ARHGAP32: variants seen among roughly 807,000 people sequenced by gnomAD.
ARHGAP32 encodes the protein rho GTPase-activating protein 32.
In ARHGAP32, 51 loss-of-function variants were observed where a neutral mutation model predicts 186.5. The observed-to-expected ratio is 0.27, with a 90% CI of 0.22 to 0.35. The LOEUF is 0.35. Among genes scored for constraint, ARHGAP32 ranks in the 10% least tolerant of loss-of-function variants. The pLI, the probability that ARHGAP32 is intolerant of heterozygous loss-of-function variation, is 1.00. For missense variants in ARHGAP32, 2,186 were observed against 2,623.5 expected (o/e 0.83, Z 3.64); for synonymous variants, 950 against 964.3 (o/e 0.99, Z 0.27).
intron 1 of ARHGAP32, among the ~76,000 whole-genome samples, chr11:129,181,880 C>A (rs1314856749): frequency 2.6e-5 from 4 of 152,156 alleles, no homozygotes; most frequent in African/African-American, 4.8e-5. Context: ...AAATTCTCTA[C>A]CTGCCAAGGT....
At chr11:129,038,016 G>A (rs1939426688) in intron 11 of ARHGAP32, among the ~76,000 whole-genome samples, 1 of 151,924 alleles carries the variant, frequency 6.6e-6, no homozygotes, top group African/African-American at 2.4e-5. Context: ...CAAGAGAATT[G>A]CTTGAACTCA....
intron 1 of ARHGAP32, among the ~76,000 whole-genome samples, chr11:129,276,167 T>C (rs1475282018): frequency 6.6e-6 from 1 of 152,248 alleles, no homozygotes; most frequent in East Asian, 1.9e-4. Flanking sequence ...AAATTTGATC[T>C]GTCTCCAAGT....
chr11:129,038,453 G>C (rs781229161), intron 11 of ARHGAP32, among the ~76,000 whole-genome samples: 18 of 151,844 alleles, frequency 1.2e-4, no homozygotes, highest in Non-Finnish European at 2.2e-4. Flanking sequence ...AATGACTAAA[G>C]AAACATCAAA....
At chr11:129,040,343 C>T (rs1159483111) in intron 11 of ARHGAP32, among the ~76,000 whole-genome samples, 1 of 151,818 alleles carries the variant, frequency 6.6e-6, no homozygotes, top group Non-Finnish European at 1.5e-5. Flanking sequence ...TTTTTTTAAT[C>T]GACATCATCA....
intron 2 of ARHGAP32, among the ~76,000 whole-genome samples, chr11:129,162,750 T>C (rs1261403923): frequency 6.6e-6 from 1 of 152,138 alleles, no homozygotes; most frequent in African/African-American, 2.4e-5. Flanking sequence ...TAATGTACAA[T>C]TACAAGAGAA....
intron 11 of ARHGAP32, among the ~76,000 whole-genome samples, chr11:129,040,073 T>C (rs1275542937): frequency 6.6e-6 from 1 of 152,176 alleles, no homozygotes; most frequent in Non-Finnish European, 1.5e-5. Flanking sequence ...TTGTTGGATG[T>C]AAGCTTTGGG....
intron 6 of ARHGAP32, among the ~76,000 whole-genome samples, chr11:129,085,954 A>C (rs1254464196): frequency 6.6e-6 from 1 of 151,588 alleles, no homozygotes; most frequent in Non-Finnish European, 1.5e-5. Flanking sequence ...AGATCATGAC[A>C]CTGCACTCCA....
At chr11:129,226,996 ATTTTAT>A (rs1944793634) in intron 1 of ARHGAP32, among the ~76,000 whole-genome samples, 1 of 152,110 alleles carries the variant, frequency 6.6e-6, no homozygotes, top group Non-Finnish European at 1.5e-5. Context: ...TTTTGCTTAT[ATTTTAT>A]TTTTCTTTTC....
In ARHGAP32 at chr11:129,123,468, T is replaced by A; in HGVS notation, c.422A>T (p.Asn141Ile). ...TACCTGTATGCTGCCGAACTCAACATTCTCATAATGGAAATGCGCACATTC... is the reference window on the plus strand; with the variant it reads ...TACCTGTATGCTGCCGAACTCAACAATCTCATAATGGAAATGCGCACATTC... ...MAECAHFHYE[N>I]VEFGSIQLSL... is the part of the protein sequence containing the mutation. The change falls in exon 5 of 23, where the codon AAT becomes ATT. Residue 141 changes from asparagine (N) to isoleucine (I), a missense_variant. Coordinates refer to ENST00000682385, the MANE Select transcript of ARHGAP32 (RefSeq NM_001378024.1). The surrounding 1 kb of genome is among the most constrained non-coding windows in gnomAD (Gnocchi z 4.6). The A allele has an allele frequency of 6.2e-7, 1 of 1,612,854 alleles. No homozygotes were observed. The highest frequency in any genetic ancestry group is 8.5e-7 in the Non-Finnish European group (1 of 1,179,122).
intron 1 of ARHGAP32, among the ~76,000 whole-genome samples, chr11:129,224,643 C>G (rs112592679): frequency 6.6e-6 from 1 of 152,060 alleles, no homozygotes; most frequent in East Asian, 1.9e-4. Flanking sequence ...CAGCCACCAA[C>G]GGATTTTAAG....
chr11:129,087,006 A>G (rs1442059817), intron 6 of ARHGAP32, among the ~76,000 whole-genome samples: 1 of 152,236 alleles, frequency 6.6e-6, no homozygotes, highest in East Asian at 1.9e-4. Flanking sequence ...GCTCAACATC[A>G]TATGTCATTA....
chr11:129,088,851 C>A (rs1941487416), intron 6 of ARHGAP32, among the ~76,000 whole-genome samples: 2 of 151,888 alleles, frequency 1.3e-5, no homozygotes, highest in Admixed American at 1.3e-4. Flanking sequence ...CCAGCCTGGG[C>A]AACACAGCAA....
chr11:129,092,107 A>ACTAT (rs1220218133), intron 6 of ARHGAP32, among the ~76,000 whole-genome samples: 3 of 152,140 alleles, frequency 2.0e-5, no homozygotes, highest in Admixed American at 1.3e-4. Context: ...CAGGAAACGA[A>ACTAT]CTATCTATCT....
chr11:129,213,628 T>C (rs901296835), intron 1 of ARHGAP32, among the ~76,000 whole-genome samples: 2 of 152,170 alleles, frequency 1.3e-5, no homozygotes, highest in African/African-American at 4.8e-5. Context: ...TAACATTTAA[T>C]GTAATATAAA....
Position 129,037,910 on chromosome 11 carries a change from G to A in ARHGAP32, c.1045+3018C>T, listed in dbSNP as rs557839430. 2.6e-5 allele frequency among the ~76,000 whole-genome samples: 4 copies of A among 151,914 alleles called. No individual in the cohort carries two copies. In the South Asian group the frequency reaches 8.3e-4, roughly 32 times the overall value. On this transcript the variant is annotated intron_variant, in intron 11 of 22. Coordinates refer to ENST00000682385, the MANE Select transcript of ARHGAP32 (RefSeq NM_001378024.1). ...GATGTCAGGAGTTTAAGACCAGCCT[G>A]GCCAACATGATGAAACCCCATCTCT...
At chr11:129,051,271 C>T (rs10790983) in intron 10 of ARHGAP32, among the ~76,000 whole-genome samples, 30,397 of 152,122 alleles carry the variant, frequency 0.2, 3,176 homozygotes, top group Non-Finnish European at 0.21. Flanking sequence ...AGTGTAAAAG[C>T]GTTCCTATTT....
chr11:129,156,157 G>A (rs950699110), intron 2 of ARHGAP32, among the ~76,000 whole-genome samples: 2 of 152,150 alleles, frequency 1.3e-5, no homozygotes, highest in African/African-American at 4.8e-5. Context: ...GCACAAAATT[G>A]GGCAGCCATT....
intron 1 of ARHGAP32, among the ~76,000 whole-genome samples, chr11:129,243,427 C>G (rs1210733114): frequency 6.6e-6 from 1 of 152,144 alleles, no homozygotes; most frequent in East Asian, 1.9e-4. Flanking sequence ...ATCCTCAATA[C>G]AAAGCATAAA....
At chr11:128,975,801 C>A (rs1945525848) in intron 20 of ARHGAP32, among the ~76,000 whole-genome samples, 1 of 152,134 alleles carries the variant, frequency 6.6e-6, no homozygotes, top group Non-Finnish European at 1.5e-5. Flanking sequence ...GTGATCCCAG[C>A]ACTTTGGGAA....
Sources: allele counts gnomAD v4.1 joint callset (sites outside exome capture counted in the v4.1 genomes callset), GRCh38; gene constraint gnomAD v4.1.1; non-coding constraint Gnocchi (gnomAD v3.1); transcripts MANE v1.5; gene names NCBI Gene and HGNC (gene_info 2026-07-23, HGNC 2026-07-21).